Variants in LRRC37A2 observed in about 807,000 individuals in gnomAD.
LRRC37A2 encodes the protein leucine rich repeat containing 37 member A2.
In LRRC37A2, 9 loss-of-function variants were observed where a neutral mutation model predicts 68.8. That is an observed-to-expected ratio of 0.13 (90% CI 0.08 to 0.23). LRRC37A2 has a LOEUF of 0.23. LRRC37A2 is among the 10% of genes least tolerant of loss of function. The probability of loss-of-function intolerance (pLI) is 1.00; values close to 1 mark genes in which losing one functional copy is unlikely to be tolerated. For missense variants in LRRC37A2, 168 were observed against 950.4 expected (o/e 0.18, Z 10.82); for synonymous variants, 63 against 367.6 (o/e 0.17, Z 9.48).
chr17:46,770,660 T>G, the LRRC37A2 span, among the ~76,000 whole-genome samples: 5 of 151,694 alleles, frequency 3.3e-5, no homozygotes, highest in African/African-American at 1.2e-4. Flanking sequence ...TGCCTCAGTC[T>G]CCCCATCCCC....
At chr17:47,033,657 C>T in the LRRC37A2 span, among the ~76,000 whole-genome samples, 2 of 152,188 alleles carry the variant, frequency 1.3e-5, no homozygotes, top group Non-Finnish European at 2.9e-5. Context: ...TTTCATCTCT[C>T]TCTCCTCAGT....
At chr17:46,790,987 CCT>C in the LRRC37A2 span, among the ~76,000 whole-genome samples, 1 of 152,178 alleles carries the variant, frequency 6.6e-6, no homozygotes, top group Non-Finnish European at 1.5e-5. Flanking sequence ...CTGGGGTTTT[CCT>C]CTTTTCTTTT....
the LRRC37A2 span, among the ~76,000 whole-genome samples, chr17:46,765,585 G>C: frequency 6.6e-6 from 1 of 152,288 alleles, no homozygotes; most frequent in African/African-American, 2.4e-5. Flanking sequence ...GGGAAGACAA[G>C]AGAACAGCTA....
At chr17:46,769,757 G>A in the LRRC37A2 span, 5 of 1,607,008 alleles carry the variant, frequency 3.1e-6, no homozygotes, top group Middle Eastern at 1.7e-4. Context: ...CTCCCTGAAG[G>A]GTTTGGGGAG....
chr17:46,944,681 C>A, the LRRC37A2 span, among the ~76,000 whole-genome samples: 1 of 151,858 alleles, frequency 6.6e-6, no homozygotes, highest in Non-Finnish European at 1.5e-5. Context: ...CTCACTGCAG[C>A]CTCTGCCTCC....
chr17:46,770,338 A>C, the LRRC37A2 span, among the ~76,000 whole-genome samples: 2 of 152,178 alleles, frequency 1.3e-5, no homozygotes. Flanking sequence ...CGCCGACACC[A>C]AACCTCTGGC....
chr17:46,666,054 C>T, the LRRC37A2 span, among the ~76,000 whole-genome samples: 1 of 149,676 alleles, frequency 6.7e-6, no homozygotes, highest in African/African-American at 2.4e-5. Context: ...AGGGTGTGTG[C>T]TCCCCAAGAA....
At chr17:46,495,417 C>T in the LRRC37A2 span, among the ~76,000 whole-genome samples, 1 of 150,304 alleles carries the variant, frequency 6.7e-6, no homozygotes, top group East Asian at 2.0e-4. Flanking sequence ...CAAAATCTTG[C>T]TCTGTTGCCC....
At chr17:46,936,140 C>T in the LRRC37A2 span, 1 of 985,786 alleles carries the variant, frequency 1.0e-6, no homozygotes, top group South Asian at 4.7e-5. Context: ...GAAGGGTGGT[C>T]TCCAGCAGCC....
chr17:46,937,803 G>T, the LRRC37A2 span: 1 of 152,178 alleles, frequency 6.6e-6, no homozygotes, highest in South Asian at 2.1e-4. Flanking sequence ...TATTCCATTG[G>T]TACAGGTTTA....
At chr17:46,393,344 AAG>A in the LRRC37A2 span, among the ~76,000 whole-genome samples, 1 of 85,916 alleles carries the variant, frequency 1.2e-5, no homozygotes, top group African/African-American at 3.1e-5. Context: ...TTATATCAGA[AAG>A]AAATAAAACT....
chr17:46,837,403 T>C, the LRRC37A2 span, among the ~76,000 whole-genome samples: 1 of 152,102 alleles, frequency 6.6e-6, no homozygotes, highest in Non-Finnish European at 1.5e-5. Context: ...GGGAGAATAT[T>C]TGGGGGACTG....
At chr17:46,930,875 G>T in the LRRC37A2 span, 2 of 477,830 alleles carry the variant, frequency 4.2e-6, no homozygotes, top group South Asian at 3.0e-5. Flanking sequence ...TTAAAAAATT[G>T]GCATTGTTAT....
chr17:46,822,470 G>C, the LRRC37A2 span, among the ~76,000 whole-genome samples: 1 of 152,246 alleles, frequency 6.6e-6, no homozygotes, highest in Admixed American at 6.5e-5. Flanking sequence ...AGGTGCACGC[G>C]GAGGTCGGCT....
At chr17:47,027,311 C>T in the LRRC37A2 span, among the ~76,000 whole-genome samples, 1 of 152,086 alleles carries the variant, frequency 6.6e-6, no homozygotes, top group Non-Finnish European at 1.5e-5. Flanking sequence ...CTAATCAAGT[C>T]TACTGCTCTC....
chr17:46,753,110 A>G, the LRRC37A2 span, among the ~76,000 whole-genome samples: 1 of 152,306 alleles, frequency 6.6e-6, no homozygotes, highest in African/African-American at 2.4e-5. Context: ...TTCATTTTAC[A>G]GTTAGGTAAA....
chr17:46,791,726 A>G, the LRRC37A2 span, among the ~76,000 whole-genome samples: 1 of 152,248 alleles, frequency 6.6e-6, no homozygotes, highest in Non-Finnish European at 1.5e-5. Flanking sequence ...TCTGGGGGAA[A>G]CACACGTTGT....
At chr17:46,821,546 C>CCAAG in the LRRC37A2 span, among the ~76,000 whole-genome samples, 1 of 152,114 alleles carries the variant, frequency 6.6e-6, no homozygotes, top group Admixed American at 6.5e-5. Flanking sequence ...GGGTTAAATT[C>CCAAG]ACTCCAAGAC....
chr17:46,703,703 A>C, the LRRC37A2 span, among the ~76,000 whole-genome samples: 1 of 146,396 alleles, frequency 6.8e-6, no homozygotes, highest in Admixed American at 7.0e-5. Flanking sequence ...AAAAAAAAAA[A>C]ACAAAAAACA....
Sources: gnomAD v4.1 joint callset for allele counts (sites outside exome capture counted in the v4.1 genomes callset) on GRCh38, gnomAD v4.1.1 for gene constraint, MANE v1.5 for transcripts, NCBI Gene and HGNC (gene_info 2026-07-23, HGNC 2026-07-21) for gene names.